GON4L: variants seen among roughly 807,000 people sequenced by gnomAD.
The protein encoded by GON4L is gon-4 like.
In GON4L, 87 loss-of-function variants were observed where a neutral mutation model predicts 211.8. The observed-to-expected ratio is 0.41, with a 90% CI of 0.35 to 0.49. The LOEUF is 0.49. Ranked by LOEUF, GON4L falls within the 20% of genes least tolerant of loss-of-function variation. The probability of loss-of-function intolerance (pLI) is 0.15; values close to 1 mark genes in which losing one functional copy is unlikely to be tolerated. For synonymous variants in GON4L, 875 were observed against 962.6 expected (o/e 0.91, Z 1.68); for missense variants, 2,155 against 2,659.5 (o/e 0.81, Z 4.17).
intron 2 of GON4L, among the ~76,000 whole-genome samples, chr1:155,836,249 GTTTT>G (rs140291845): frequency 2.0e-5 from 2 of 98,908 alleles, no homozygotes. Context: ...TTTTGTTTTC[GTTTT>G]TTTTTTTTTT....
chr1:155,827,197 T>A (rs1669291498), intron 2 of GON4L, among the ~76,000 whole-genome samples, 169 bp from the exon 3 acceptor site: 1 of 152,218 alleles, frequency 6.6e-6, no homozygotes, highest in South Asian at 2.1e-4. Flanking sequence ...AATTTACTCA[T>A]CTGTAAACTC....
At chr1:155,803,089 T>C (rs561623998) in intron 11 of GON4L, among the ~76,000 whole-genome samples, 1 of 152,322 alleles carries the variant, frequency 6.6e-6, no homozygotes, top group Admixed American at 6.5e-5. Flanking sequence ...CAATGCCTTG[T>C]ATAAAGAAAG....
intron 6 of GON4L, among the ~76,000 whole-genome samples, chr1:155,816,773 TAAAAAAAAA>T (rs34370558): frequency 1.3e-5 from 1 of 78,090 alleles, no homozygotes; most frequent in East Asian, 4.1e-4. Flanking sequence ...TTTTTTTTCT[TAAAAAAAAA>T]AAAAAAAAAA....
chr1:155,750,851 T>G, intron 31 of GON4L, 118 bp from the exon 32 acceptor site: 1 of 938,106 alleles, frequency 1.1e-6, no homozygotes, highest in South Asian at 1.5e-5. Flanking sequence ...GCAACCTCCG[T>G]CTCCTGGGTT....
intron 10 of GON4L, among the ~76,000 whole-genome samples, chr1:155,808,012 AT>A (rs1210789188): frequency 6.6e-6 from 1 of 151,914 alleles, no homozygotes; most frequent in Non-Finnish European, 1.5e-5. Flanking sequence ...TAATCCAAAA[AT>A]ATCACAAAAA....
rs1458055219 is a variant in GON4L at position 155,773,051 on chromosome 1, A to G, written c.2495+15T>C. The G allele has an allele frequency of 3.1e-6, 5 of 1,611,634 alleles. No homozygotes were observed. In the Admixed American group the frequency reaches 8.3e-5, roughly 27 times the overall value. Reference sequence around the variant, plus strand: ...GGATGTTCTGCTGTTTTGATCCCCCAGAGTAAACACTTACTTGTCCTCAGC... The same window carrying G: ...GGATGTTCTGCTGTTTTGATCCCCCGGAGTAAACACTTACTTGTCCTCAGC... On this transcript the variant is annotated intron_variant, in intron 18 of 31. Coordinates refer to ENST00000368331, the MANE Select transcript of GON4L (RefSeq NM_001282860.2).
Position 155,749,860 on chromosome 1 carries a change from T to C in GON4L, c.*724A>G. ...ACTAAGGTTGGACTTCCTTATCAGTTTGGCGAGTCCCAGGGCAGAATAATC... is the reference window on the plus strand; with the variant it reads ...ACTAAGGTTGGACTTCCTTATCAGTCTGGCGAGTCCCAGGGCAGAATAATC... On this transcript the variant is annotated 3_prime_UTR_variant, in exon 32 of 32. Transcript: ENST00000368331. 3 of 1,604,898 alleles carry C rather than the reference T, an allele frequency of 1.9e-6. No homozygotes were observed. Among genetic ancestry groups the C allele is most frequent in the Admixed American group, 3.4e-5 (2 of 59,478 alleles).
intron 20 of GON4L, among the ~76,000 whole-genome samples, 192 bp from the exon 21 acceptor site, chr1:155,766,901 T>C (rs1399889932): frequency 6.6e-6 from 1 of 151,886 alleles, no homozygotes; most frequent in African/African-American, 2.4e-5. Flanking sequence ...CAAAAATTAG[T>C]TGGGTGTGGT....
At chr1:155,775,754 C>T (rs1663747039) in intron 16 of GON4L, among the ~76,000 whole-genome samples, 2 of 152,024 alleles carry the variant, frequency 1.3e-5, no homozygotes, top group Non-Finnish European at 2.9e-5. Flanking sequence ...TCACCGCACC[C>T]AGCCAAGAAT....
intron 12 of GON4L, among the ~76,000 whole-genome samples, chr1:155,789,931 T>C (rs1430439826): frequency 5.9e-5 from 9 of 152,098 alleles, no homozygotes; most frequent in African/African-American, 2.2e-4. Context: ...TATACCTTAT[T>C]ATTTTTTATT....
chr1:155,795,164 A>G lies in GON4L; in HGVS notation c.1646-13T>C. ...TCATCTGCTTCATCTAGGAAAAAAA[A>G]GTGTTTCAGATGCTCATTAACTCTG... On this transcript the variant is annotated splice_polypyrimidine_tract_variant and intron_variant, in intron 11 of 31. Coordinates refer to ENST00000368331, the MANE Select transcript of GON4L (RefSeq NM_001282860.2). The G allele has an allele frequency of 7.3e-7, 1 of 1,364,440 alleles. No homozygotes were observed. Among genetic ancestry groups the G allele is most frequent in the Non-Finnish European group, 1.0e-6 (1 of 952,458 alleles). The allele number at this position is 1,364,440 out of a possible 1,614,324, so 84.5% of individuals were successfully genotyped here. A position where few individuals can be genotyped will look rare whatever the true frequency, so the allele number is the denominator to read the frequency against.
rs185510041 is a variant in GON4L, at chr1:155,822,697, G to A, written c.698-221C>T. On this transcript the variant is annotated intron_variant, in intron 3 of 31. Transcript: ENST00000368331. The stretch of plus-strand genomic sequence containing the variant: ...GAAATCAGTGCTTGCCAATGTTTGA[G>A]AAAGGGGGATAGCAAAGGGGAATTA... Among the ~76,000 whole-genome samples the A allele has an allele frequency of 8.9e-4, 136 of 152,344 alleles. 1 individual carries two copies. Among genetic ancestry groups the A allele is most frequent in the African/African-American group, 2.4e-3 (101 of 41,586 alleles).
intron 19 of GON4L, 73 bp downstream of exon 19, chr1:155,770,994 T>C: frequency 6.2e-7 from 1 of 1,600,126 alleles, no homozygotes; most frequent in Non-Finnish European, 8.6e-7. Flanking sequence ...CCTCTTTTCT[T>C]TGAGAATAAC....
In GON4L at chr1:155,775,077, C is replaced by T. The variant is rs759457710; in HGVS notation, c.2275G>A (p.Ala759Thr). Residue 759 changes from alanine to threonine, a missense_variant, in exon 17 of 32, where the codon GCT becomes ACT. Physicochemically the swap from Ala to Thr is moderately conservative, Grantham distance 58. Transcript: ENST00000368331. ...CTGAAGTCTTCAATCAGCTGCATAG[C>T]TCCCATCAAGTTACAGGGTTGGAAC... ...TLFQPCNLMG[A>T]MQLIEDFSTH... 2 of 1,613,610 alleles carry T rather than the reference C, an allele frequency of 1.2e-6. No homozygotes were observed. Among genetic ancestry groups the T allele is most frequent in the Admixed American group, 1.7e-5 (1 of 60,000 alleles).
At chr1:155,769,862 G>A (rs1237616312) in intron 19 of GON4L, among the ~76,000 whole-genome samples, 1 of 151,804 alleles carries the variant, frequency 6.6e-6, no homozygotes, top group African/African-American at 2.4e-5. Context: ...AGGGAGTGAG[G>A]AGACAGGTAA....
At chr1:155,830,519 C>T (rs564806457) in intron 2 of GON4L, among the ~76,000 whole-genome samples, 4 of 151,080 alleles carry the variant, frequency 2.6e-5, no homozygotes, top group Admixed American at 6.6e-5. Flanking sequence ...TCAGGTGATC[C>T]GCCCACCTCT....
chr1:155,784,358 C>CTTTTTTTTTTTTTTTTTTTTTTTTTTT (rs869034483), intron 13 of GON4L: 1 of 96,232 alleles, frequency 1.0e-5, no homozygotes, highest in African/African-American at 6.8e-5. Flanking sequence ...TCTCTCTCTC[C>CTTTTTTTTTTTTTTTTTTTTTTTTTTT]TTTTTTTTTT....
chr1:155,756,676 G>C, intron 27 of GON4L: 1 of 360,634 alleles, frequency 2.8e-6, no homozygotes, highest in Non-Finnish European at 5.2e-6. Flanking sequence ...TGTAATCCCA[G>C]CACTTTGGGA....
chr1:155,779,655 A>T (rs1664219048), intron 14 of GON4L, among the ~76,000 whole-genome samples: 1 of 152,146 alleles, frequency 6.6e-6, no homozygotes, highest in Non-Finnish European at 1.5e-5. Context: ...GCACATGCTT[A>T]ATCACTTAGC....
Sources: allele counts gnomAD v4.1 joint callset (sites outside exome capture counted in the v4.1 genomes callset), GRCh38; gene constraint gnomAD v4.1.1; transcripts MANE v1.5; gene names NCBI Gene and HGNC (gene_info 2026-07-23, HGNC 2026-07-21).